The following HORMAD2 variants were observed in gnomAD, a reference collection of about 807,000 sequenced individuals.
The protein encoded by HORMAD2 is HORMA domain containing 2, also known as HORMA domain-containing protein 2.
HORMAD2 carries 45 observed loss-of-function variants against 38.8 expected under a neutral mutation model. The ratio of observed to expected loss-of-function variants is 1.16; its 90% CI spans 0.91 to 1.49. The LOEUF (loss-of-function observed/expected upper bound fraction) is 1.49. HORMAD2 is among the 40% of genes most tolerant of loss of function. The probability of loss-of-function intolerance (pLI) is 0.00; values close to 1 mark genes in which losing one functional copy is unlikely to be tolerated. For synonymous variants in HORMAD2, 126 were observed against 122.8 expected, an observed-to-expected ratio of 1.03 and a Z score of -0.17; for missense variants, 338 against 367.0, an observed-to-expected ratio of 0.92 and a Z score of 0.65.
intron 5 of HORMAD2, 126 bp from the exon 6 acceptor site, chr22:30,111,670 G>T (rs1391489784): frequency 3.0e-6 from 2 of 676,222 alleles, no homozygotes; most frequent in Admixed American, 3.5e-5. Flanking sequence ...TGGCCTTCTG[G>T]ATATTTTTTT....
chr22:30,160,816 C>G (rs1925397496), intron 10 of HORMAD2, among the ~76,000 whole-genome samples: 1 of 152,090 alleles, frequency 6.6e-6, no homozygotes, highest in Non-Finnish European at 1.5e-5. Context: ...TTTTTCAAAG[C>G]TAGATCAGGA....
At chr22:30,148,692 C>T (rs2146195146) in intron 10 of HORMAD2, among the ~76,000 whole-genome samples, 1 of 152,188 alleles carries the variant, frequency 6.6e-6, no homozygotes, top group Non-Finnish European at 1.5e-5. Flanking sequence ...AAATGAAGTA[C>T]TGTGTATTCC....
downstream of HORMAD2, among the ~76,000 whole-genome samples, chr22:30,177,529 A>G (rs142022443): frequency 4.7e-3 from 718 of 152,246 alleles, 8 homozygotes; most frequent in African/African-American, 0.016. Context: ...CCACTGAAAG[A>G]AGGAGGGGAA....
At chr22:30,201,368 G>A in the HORMAD2 span, among the ~76,000 whole-genome samples, 17 of 151,298 alleles carry the variant, frequency 1.1e-4, 1 homozygote, top group East Asian at 3.3e-3. Context: ...TACAAAGACC[G>A]GATTTCCAAA....
chr22:30,077,752 G>A (rs2068401892), upstream of HORMAD2, among the ~76,000 whole-genome samples: 1 of 152,166 alleles, frequency 6.6e-6, no homozygotes, highest in Non-Finnish European at 1.5e-5. Context: ...GGGACCTTGA[G>A]CAAATTACTT....
chr22:30,141,684 T>G (rs1288142162), intron 10 of HORMAD2, among the ~76,000 whole-genome samples: 2 of 150,804 alleles, frequency 1.3e-5, no homozygotes, highest in Non-Finnish European at 2.9e-5. Flanking sequence ...AACCTCCGCC[T>G]CCTGAGTTCA....
chr22:30,107,229 G>A (rs879896829), intron 5 of HORMAD2, among the ~76,000 whole-genome samples: 1 of 152,124 alleles, frequency 6.6e-6, no homozygotes, highest in Non-Finnish European at 1.5e-5. Context: ...TACTAAAATA[G>A]CAGTATAATG....
At position 30,177,046 on chromosome 22, in the gene HORMAD2, C is replaced by G. The variant is rs766313169; in HGVS notation, c.*879C>G. On this transcript the variant is annotated 3_prime_UTR_variant, in exon 11 of 11. Coordinates refer to ENST00000336726, the MANE Select transcript of HORMAD2 (RefSeq NM_152510.4). ...AATAAGTTAAATATTAAGTGTGTGA[C>G]TTATGGTTAAATAAAATGAAAATAC... 7.9e-5 allele frequency: 12 copies of G among 152,252 alleles called. No homozygotes were observed. Among genetic ancestry groups the G allele is most frequent in the Non-Finnish European group, 1.8e-4 (12 of 67,964 alleles). 9.4% of individuals were successfully genotyped at this position (152,252 alleles called of 1,614,324 possible).
chr22:30,147,766 C>A (rs1924508702), intron 10 of HORMAD2, among the ~76,000 whole-genome samples: 1 of 152,024 alleles, frequency 6.6e-6, no homozygotes, highest in African/African-American at 2.4e-5. Flanking sequence ...AATAATAAGA[C>A]AACTCCATTT....
At chr22:30,137,284 T>A (rs1441492765) in intron 10 of HORMAD2, 1 of 536,176 alleles carries the variant, frequency 1.9e-6, no homozygotes, top group African/African-American at 1.9e-5. Context: ...CTTGAGGCCA[T>A]CAGATGCAAT....
chr22:30,092,345 C>CTTTTTTTTTTTT (rs34673975), intron 1 of HORMAD2, among the ~76,000 whole-genome samples: 2 of 107,962 alleles, frequency 1.9e-5, no homozygotes, highest in Non-Finnish European at 3.7e-5. Context: ...AGATCCTTTG[C>CTTTTTTTTTTTT]TTTTTTTTTT....
chr22:30,140,377 T>A (rs1435901806), intron 10 of HORMAD2, among the ~76,000 whole-genome samples: 2 of 152,226 alleles, frequency 1.3e-5, no homozygotes, highest in African/African-American at 4.8e-5. Flanking sequence ...CTTCTTTAAA[T>A]GTTTGGTAGA....
At chr22:30,158,599 C>T (rs56192192) in intron 10 of HORMAD2, among the ~76,000 whole-genome samples, 42 of 33,430 alleles carry the variant, frequency 1.3e-3, no homozygotes, top group South Asian at 5.9e-3. Context: ...CCTTCCTTCC[C>T]TCCCTCCCTC....
chr22:30,196,625 G>A, the HORMAD2 span, among the ~76,000 whole-genome samples: 1 of 152,288 alleles, frequency 6.6e-6, no homozygotes, highest in African/African-American at 2.4e-5. Flanking sequence ...GGCCAGGTCT[G>A]GGCTGAAGGG....
chr22:30,156,519 C>T (rs1925087173), intron 10 of HORMAD2, among the ~76,000 whole-genome samples: 1 of 152,202 alleles, frequency 6.6e-6, no homozygotes, highest in Non-Finnish European at 1.5e-5. Context: ...TGGACACAGT[C>T]TCGGAATCAC....
At chr22:30,121,575 T>G in intron 8 of HORMAD2, 57 bp from the exon 9 acceptor site, 1 of 1,361,242 alleles carries the variant, frequency 7.3e-7, no homozygotes, top group East Asian at 2.6e-5. Context: ...TTGTTCCTTT[T>G]GGGATAGATT....
rs71198531 is a variant in HORMAD2, at chr22:30,162,318, TAC to T, written c.820-13714_820-13713del. Among the ~76,000 whole-genome samples, 240 of 147,948 alleles carry T rather than the reference TAC, an allele frequency of 1.6e-3. 1 individual carries two copies. The highest frequency in any genetic ancestry group is 2.7e-3 in the African/African-American group (111 of 40,398). ...GACAGAGTGAGACCCCGTCTCAAAA[TAC>T]ACACACACACACACACACACACACA... is the stretch of plus-strand genomic sequence containing the variant. On this transcript the variant is annotated intron_variant, in intron 10 of 10. Coordinates refer to ENST00000336726, the MANE Select transcript of HORMAD2 (RefSeq NM_152510.4).
intron 1 of HORMAD2, among the ~76,000 whole-genome samples, chr22:30,091,628 G>A (rs1383655623): frequency 6.6e-6 from 1 of 152,018 alleles, no homozygotes; most frequent in African/African-American, 2.4e-5. Flanking sequence ...CTTGGCTATT[G>A]TGAATAGTGC....
At chr22:30,111,700 C>T in intron 5 of HORMAD2, 96 bp from the exon 6 acceptor site, 4 of 1,018,992 alleles carry the variant, frequency 3.9e-6, no homozygotes, top group Non-Finnish European at 5.7e-6. Context: ...ATCTTTCGAA[C>T]CTCTCTGAAA....
Sources: allele counts gnomAD v4.1 joint callset (sites outside exome capture counted in the v4.1 genomes callset), GRCh38; gene constraint gnomAD v4.1.1; transcripts MANE v1.5; gene names NCBI Gene and HGNC (gene_info 2026-07-23, HGNC 2026-07-21).